Variants in ATRNL1 observed in about 807,000 individuals in gnomAD.
The protein encoded by ATRNL1 is attractin like 1.
ATRNL1 carries 95 observed loss-of-function variants against 182.7 expected under a neutral mutation model. The ratio of observed to expected loss-of-function variants is 0.52; its 90% confidence interval spans 0.44 to 0.62. The LOEUF is 0.62. Ranked by LOEUF, ATRNL1 falls within the 20% of genes least tolerant of loss-of-function variation. The pLI, the probability that ATRNL1 is intolerant of heterozygous loss-of-function variation, is 0.00. For synonymous variants in ATRNL1, 576 were observed against 568.3 expected, an observed-to-expected ratio of 1.01 and a Z score of -0.19; for missense variants, 1,471 against 1,679.5, an observed-to-expected ratio of 0.88 and a Z score of 2.17.
At chr10:115,661,730 C>A (rs1355019935) in intron 26 of ATRNL1, among the ~76,000 whole-genome samples, 2 of 152,092 alleles carry the variant, frequency 1.3e-5, no homozygotes, top group Non-Finnish European at 2.9e-5. Context: ...AATAAAAAAT[C>A]ATGACATATG....
At chr10:115,187,653 T>C (rs1847992923) in intron 8 of ATRNL1, among the ~76,000 whole-genome samples, 1 of 149,932 alleles carries the variant, frequency 6.7e-6, no homozygotes, top group Admixed American at 6.7e-5. Context: ...TTATGTATAA[T>C]AGAAAGAGGG....
intron 25 of ATRNL1, among the ~76,000 whole-genome samples, chr10:115,528,037 T>TCTTCCTTCCTTCCTTC (rs782541010): frequency 3.7e-5 from 2 of 53,490 alleles, no homozygotes; most frequent in African/African-American, 1.3e-4. Context: ...CTCCTTCCTT[T>TCTTCCTTCCTTCCTTC]CTTCCTTCCT....
At chr10:115,418,246 A>G (rs1845489925) in intron 20 of ATRNL1, among the ~76,000 whole-genome samples, 1 of 152,230 alleles carries the variant, frequency 6.6e-6, no homozygotes, top group African/African-American at 2.4e-5. Context: ...TATTAATAAT[A>G]AAAACAAATG....
At chr10:115,429,928 G>C (rs1027481534) in intron 21 of ATRNL1, among the ~76,000 whole-genome samples, 3 of 152,132 alleles carry the variant, frequency 2.0e-5, no homozygotes, top group African/African-American at 7.2e-5. Flanking sequence ...AAAATTAGCC[G>C]GGCGTGGTGG....
At chr10:115,274,487 T>C (rs1164388789) in intron 13 of ATRNL1, among the ~76,000 whole-genome samples, 14 of 152,188 alleles carry the variant, frequency 9.2e-5, no homozygotes, top group Non-Finnish European at 1.6e-4. Flanking sequence ...TTCAGTGAGT[T>C]AGAAGGCCCC....
Position 115,197,992 on chromosome 10 carries a change from T to C in ATRNL1, c.1349-17705T>C, listed in dbSNP as rs76938830. ...GTTACAATGAACATGGAAATGCAGA[T>C]ATCTTTTTGACATGCTGATTTCATA... On this transcript the variant is annotated intron_variant, in intron 8 of 28. Transcript: ENST00000355044. 3.7e-3 allele frequency among the ~76,000 whole-genome samples: 565 copies of C among 152,300 alleles called. 2 individuals carry two copies. The highest frequency in any genetic ancestry group is 0.014 in the Middle Eastern group (4 of 294).
intron 18 of ATRNL1, among the ~76,000 whole-genome samples, chr10:115,318,092 T>G (rs1854394065): frequency 6.6e-6 from 1 of 152,194 alleles, no homozygotes; most frequent in African/African-American, 2.4e-5. Flanking sequence ...AGTGAGAGTT[T>G]TTAACATGAA....
intron 27 of ATRNL1, among the ~76,000 whole-genome samples, chr10:115,774,425 CAAAAAAAAAAAAAAAAAAAA>C (rs56048429): frequency 1.4e-5 from 1 of 69,376 alleles, no homozygotes; most frequent in Non-Finnish European, 2.7e-5. Context: ...GACTCCATCT[CAAAAAAAAAAAAAAAAAAAA>C]AAAAAAAAAT....
At chr10:115,301,250 A>G (rs1853452176) in intron 16 of ATRNL1, among the ~76,000 whole-genome samples, 1 of 151,876 alleles carries the variant, frequency 6.6e-6, no homozygotes, top group Non-Finnish European at 1.5e-5. Context: ...TCTTTGGGGT[A>G]TATATATATA....
At chr10:115,468,687 AT>A (rs1213435940) in intron 23 of ATRNL1, among the ~76,000 whole-genome samples, 21 of 150,608 alleles carry the variant, frequency 1.4e-4, no homozygotes, top group Non-Finnish European at 1.8e-4. Context: ...AAATAAATTG[AT>A]TTTTTCCCAT....
chr10:115,374,902 C>A (rs1018070798), intron 19 of ATRNL1, among the ~76,000 whole-genome samples: 2 of 151,796 alleles, frequency 1.3e-5, no homozygotes, highest in Non-Finnish European at 2.9e-5. Flanking sequence ...ATTATCTATC[C>A]TGAAGAAAGT....
chr10:115,271,028 C>G (rs1554912818), intron 13 of ATRNL1, among the ~76,000 whole-genome samples: 2 of 152,038 alleles, frequency 1.3e-5, no homozygotes, highest in Non-Finnish European at 2.9e-5. Context: ...AGGTAAAGTC[C>G]TGGAGTGATA....
intron 26 of ATRNL1, among the ~76,000 whole-genome samples, chr10:115,599,809 C>T (rs1856489654): frequency 1.3e-5 from 2 of 152,144 alleles, no homozygotes; most frequent in African/African-American, 4.8e-5. Context: ...AATGTGCTAA[C>T]TTAAAAAATC....
At chr10:115,693,723 C>T (rs537769969) in intron 26 of ATRNL1, among the ~76,000 whole-genome samples, 1 of 152,098 alleles carries the variant, frequency 6.6e-6, no homozygotes, top group South Asian at 2.1e-4. Context: ...CTGTAAACAA[C>T]TGTAACACAA....
At chr10:115,440,716 G>T (rs1324727415) in intron 21 of ATRNL1, among the ~76,000 whole-genome samples, 1 of 151,684 alleles carries the variant, frequency 6.6e-6, no homozygotes, top group Non-Finnish European at 1.5e-5. Context: ...ATCCAAACTG[G>T]TTAATCCAAC....
At chr10:115,294,104 C>G (rs1339723153) in intron 15 of ATRNL1, among the ~76,000 whole-genome samples, 1 of 152,214 alleles carries the variant, frequency 6.6e-6, no homozygotes, top group African/African-American at 2.4e-5. Flanking sequence ...TAGGTTTTCA[C>G]TAAATGTTTC....
chr10:115,369,904 G>A (rs112102040), intron 19 of ATRNL1, among the ~76,000 whole-genome samples: 6 of 152,218 alleles, frequency 3.9e-5, no homozygotes, highest in African/African-American at 1.4e-4. Context: ...TCCTGATATG[G>A]TTTGGCCATG....
chr10:115,720,043 A>G (rs1947374984), intron 26 of ATRNL1, among the ~76,000 whole-genome samples: 1 of 151,944 alleles, frequency 6.6e-6, no homozygotes, highest in Non-Finnish European at 1.5e-5. Flanking sequence ...TGTATTTTTT[A>G]GTAGAGACAG....
At chr10:115,933,529 TC>T (rs1448131351) in intron 28 of ATRNL1, among the ~76,000 whole-genome samples, 2 of 152,174 alleles carry the variant, frequency 1.3e-5, no homozygotes, top group Non-Finnish European at 2.9e-5. Context: ...AGCAGGGATG[TC>T]CAGGTCTTTG....
Sources: gnomAD v4.1 joint callset for allele counts (sites outside exome capture counted in the v4.1 genomes callset) on GRCh38, gnomAD v4.1.1 for gene constraint, MANE v1.5 for transcripts, NCBI Gene and HGNC (gene_info 2026-07-23, HGNC 2026-07-21) for gene names.